Variants in RBM12 observed in about 807,000 individuals in gnomAD.
The protein encoded by RBM12 is RNA binding motif protein 12.
RBM12 carries 24 observed loss-of-function variants against 37.2 expected under a neutral mutation model. The observed-to-expected ratio is 0.65, with a 90% CI of 0.47 to 0.91. The LOEUF (loss-of-function observed/expected upper bound fraction) is 0.91, where lower values mean the gene tolerates loss of function less well. Ranked by LOEUF, RBM12 falls within the 40% of genes least tolerant of loss-of-function variation. RBM12 has a pLI of 0.00. For synonymous variants in RBM12, 420 were observed against 425.2 expected (o/e 0.99, Z 0.15); for missense variants, 1,061 against 1,183.2 (o/e 0.90, Z 1.52).
In RBM12 at chr20:35,654,215, G is replaced by A. The variant is rs1156780822; in HGVS notation, c.1108C>T (p.Arg370Cys). The change falls in exon 3 of 3, where the codon CGC (arginine) becomes TGC (cysteine). Residue 370 changes from arginine to cysteine, a missense_variant. This residue lies in a region of RBM12 where 540 missense variants were observed against 632.7 expected (regional missense o/e 0.85). Transcript: ENST00000374114. Reference sequence around the variant, plus strand: ...GTGGCAGGGCTAACTTCCACATAGCGTTGAATCATCAGCATTCTGTTTCGT... The same window carrying A: ...GTGGCAGGGCTAACTTCCACATAGCATTGAATCATCAGCATTCTGTTTCGT... ...LKRNRMLMIQRYVEVSPATER... is the reference protein window; with the variant it reads ...LKRNRMLMIQCYVEVSPATER... 3 of 1,614,200 alleles carry A rather than the reference G, an allele frequency of 1.9e-6. No individual in the cohort carries two copies. The highest frequency in any genetic ancestry group is 1.7e-6 in the Non-Finnish European group (2 of 1,180,036).
At chr20:35,658,803 A>C in intron 2 of RBM12, 127 bp downstream of exon 2, 1 of 23,242 alleles carries the variant, frequency 4.3e-5, no homozygotes, top group Admixed American at 1.5e-3. Flanking sequence ...GCAAACAAAA[A>C]CACACACACA....
chr20:35,658,360 C>G (rs1028601709), intron 2 of RBM12, among the ~76,000 whole-genome samples: 2 of 152,210 alleles, frequency 1.3e-5, no homozygotes, highest in African/African-American at 4.8e-5. Flanking sequence ...TACTGCCTAT[C>G]AGGAAAATCA....
At chr20:35,663,238 CTTGTA>C (rs2034332741) in intron 1 of RBM12, among the ~76,000 whole-genome samples, 2 of 152,164 alleles carry the variant, frequency 1.3e-5, no homozygotes, top group African/African-American at 2.4e-5. Flanking sequence ...TACAACCAGT[CTTGTA>C]TTGTAGTTCT....
In RBM12 at chr20:35,653,841, G is replaced by C; in HGVS notation, c.1482C>G (p.Tyr494Ter). ...YKAALCRHKQ[Y>*]MGNRFIQVHP... is the part of the protein sequence containing the mutation. Reference sequence around the variant, plus strand: ...GAACTTGAATAAAGCGATTGCCCATGTACTGTTTATGACGACACAGAGCAG... The same window carrying C: ...GAACTTGAATAAAGCGATTGCCCATCTACTGTTTATGACGACACAGAGCAG... The change falls in exon 3 of 3, where the codon TAC becomes TAG. Residue 494 changes from tyrosine (Y) to a stop codon, truncating the protein, a stop_gained. Coordinates refer to ENST00000374114, the MANE Select transcript of RBM12 (RefSeq NM_006047.6). LOFTEE classifies it high-confidence loss of function. 6.2e-7 allele frequency: 1 copy of C among 1,613,838 alleles called. No homozygotes were observed.
chr20:35,664,632 C>A (rs2034437338), intron 1 of RBM12, 128 bp downstream of exon 1: 1 of 152,488 alleles, frequency 6.6e-6, no homozygotes, highest in East Asian at 1.9e-4. Flanking sequence ...TGCAGCCCTG[C>A]CTCGACCCTT....
In RBM12 at chr20:35,655,178, T is replaced by C. The variant is rs2033822517; in HGVS notation, c.145A>G (p.Thr49Ala). The part of the protein sequence containing the change: ...ELGEAFIVFA[T>A]DEDARLGMMR... Reference sequence around the variant, plus strand: ...ATACCAAGCCTTGCATCTTCATCAGTGGCAAAAACGATGAAAGCCTCACCC... The same window carrying C: ...ATACCAAGCCTTGCATCTTCATCAGCGGCAAAAACGATGAAAGCCTCACCC... Residue 49 changes from threonine (T) to alanine (A), a missense_variant, in exon 3 of 3, where the codon ACT (threonine) becomes GCT (alanine). Physicochemically the swap from Thr to Ala is moderately conservative, Grantham distance 58. Around this residue, in one of 3 missense-constraint regions of RBM12, gnomAD observed 540 missense variants for 632.7 expected, o/e 0.85. Transcript: ENST00000374114. 4 of 1,614,066 alleles carry C rather than the reference T, an allele frequency of 2.5e-6. No individual in the cohort carries two copies. Among genetic ancestry groups the C allele is most frequent in the African/African-American group, 1.3e-5 (1 of 74,914 alleles).
Position 35,653,412 on chromosome 20 carries a change from CTT to C in RBM12, c.1909_1910del (p.Lys637GlyfsTer9). On this transcript the variant is annotated frameshift_variant, in exon 3 of 3. Transcript: ENST00000374114. LOFTEE classifies it high-confidence loss of function. ...IEKNPPAQGK[K>X]GLKMPVPGNP... The stretch of plus-strand genomic sequence containing the variant: ...TACCTGGCACAGGCATCTTTAATCC[CTT>C]TTTTCCTTGGGCAGGGGGATTTTTC... 1 of 1,614,092 alleles carries C rather than the reference CTT, an allele frequency of 6.2e-7. No homozygotes were observed. The highest frequency in any genetic ancestry group is 8.5e-7 in the Non-Finnish European group (1 of 1,179,984).
chr20:35,657,560 C>A (rs1311983774), intron 2 of RBM12, among the ~76,000 whole-genome samples: 1 of 152,078 alleles, frequency 6.6e-6, no homozygotes, highest in Admixed American at 6.6e-5. Context: ...GCTAAAGTGA[C>A]ATACACAGTT....
chr20:35,652,779 A>C lies in RBM12; in HGVS notation c.2544T>G (p.Ser848=). The change falls in exon 3 of 3, where the codon TCT becomes TCG. Residue 848 remains serine, a synonymous_variant. Coordinates refer to ENST00000374114, the MANE Select transcript of RBM12 (RefSeq NM_006047.6). The part of the protein sequence containing the change: ...IHIGGPPGFA[S]SSGKPGPTVI... ...CTGTCGGTCCTGGTTTTCCAGAACTAGATGCAAAGCCAGGGGGACCACCAA... is the reference window on the plus strand; with the variant it reads ...CTGTCGGTCCTGGTTTTCCAGAACTCGATGCAAAGCCAGGGGGACCACCAA... 1 of 1,611,518 alleles carries C rather than the reference A, an allele frequency of 6.2e-7. No individual in the cohort carries two copies. Among genetic ancestry groups the C allele is most frequent in the Non-Finnish European group, 8.5e-7 (1 of 1,178,462 alleles).
chr20:35,663,163 GCA>G (rs1041929023), intron 1 of RBM12, among the ~76,000 whole-genome samples: 4 of 152,232 alleles, frequency 2.6e-5, no homozygotes, highest in Admixed American at 2.0e-4. Context: ...GAAAATGTCT[GCA>G]CACTTTCCAC....
In RBM12 at chr20:35,658,971, G is replaced by A; in HGVS notation, c.-64C>T. On this transcript the variant is annotated 5_prime_UTR_variant, in exon 2 of 3. Transcript: ENST00000374114. The stretch of plus-strand genomic sequence containing the variant: ...TGAATTTCCTTAACAAGAAGTAGAG[G>A]CCAAGTCAATCCTGTGGGCAACCAA... 2 of 717,004 alleles carry A rather than the reference G, an allele frequency of 2.8e-6. No homozygotes were observed. Among genetic ancestry groups the A allele is most frequent in the South Asian group, 3.0e-5 (2 of 67,568 alleles). 44.4% of individuals were successfully genotyped at this position (717,004 alleles called of 1,614,324 possible).
intron 1 of RBM12, chr20:35,664,276 G>A (rs965730540): frequency 6.6e-6 from 1 of 152,306 alleles, no homozygotes; most frequent in African/African-American, 2.4e-5. Flanking sequence ...GGTGTGACCT[G>A]GGTCCCCTTT....
chr20:35,664,201 C>T (rs1165953395), intron 1 of RBM12, among the ~76,000 whole-genome samples: 1 of 152,176 alleles, frequency 6.6e-6, no homozygotes, highest in Non-Finnish European at 1.5e-5. Context: ...GCCACGAAGG[C>T]GGCCGGTTGT....
Position 35,652,497 on chromosome 20 carries a change from C to A in RBM12, c.*27G>T, listed in dbSNP as rs758012995. 2 of 1,590,012 alleles carry A rather than the reference C, an allele frequency of 1.3e-6. No individual in the cohort carries two copies. Among genetic ancestry groups the A allele is most frequent in the South Asian group, 2.3e-5 (2 of 87,786 alleles). On this transcript the variant is annotated 3_prime_UTR_variant, in exon 3 of 3. Coordinates refer to ENST00000374114, the MANE Select transcript of RBM12 (RefSeq NM_006047.6). ...GCATTAATCACAGCAATATGAAGATCTACCCTATAAAAAATGATGTGAATG... is the reference window on the plus strand; with the variant it reads ...GCATTAATCACAGCAATATGAAGATATACCCTATAAAAAATGATGTGAATG...
In RBM12 at chr20:35,654,484, A is replaced by G. The variant is rs746493208; in HGVS notation, c.839T>C (p.Leu280Ser). ...CATCTGGATAGGGTTAACAGGATTC[A>G]ACGGACCAAGAAACATAGGATTCAG... The part of the protein sequence containing the change: ...NNLNPMFLGP[L>S]NPVNPIQMNS... The change falls in exon 3 of 3, where the codon TTG (leucine) becomes TCG (serine). Residue 280 changes from leucine to serine, a missense_variant. Leu to Ser is a moderately radical substitution (Grantham distance 145). Coordinates refer to ENST00000374114, the MANE Select transcript of RBM12 (RefSeq NM_006047.6). 8 of 1,614,236 alleles carry G rather than the reference A, an allele frequency of 5.0e-6. No individual in the cohort carries two copies. In the South Asian group the frequency reaches 6.6e-5, roughly 13 times the overall value.
chr20:35,659,499 A>G (rs2034112496), intron 1 of RBM12, among the ~76,000 whole-genome samples: 1 of 152,196 alleles, frequency 6.6e-6, no homozygotes, highest in African/African-American at 2.4e-5. Flanking sequence ...CTTTCAATAT[A>G]TTTTATTTTG....
chr20:35,659,138 C>CA (rs370328377), intron 1 of RBM12, 124 bp from the exon 2 acceptor site: 15,004 of 271,344 alleles, frequency 0.055, 92 homozygotes, highest in East Asian at 0.061. Context: ...GAATGCATAT[C>CA]AAAAAAAAAA....
At position 35,654,183 on chromosome 20, in the gene RBM12, T is replaced by G. The variant is rs1290000202; in HGVS notation, c.1140A>C (p.Arg380Ser). 6.2e-7 allele frequency: 1 copy of G among 1,614,234 alleles called. No homozygotes were observed. The highest frequency in any genetic ancestry group is 1.1e-5 in the South Asian group (1 of 91,084). Reference sequence around the variant, plus strand: ...TATGGCCTCCAGCAGCTACCCACTGTCTTTCTGTGGCAGGGCTAACTTCCA... The same window carrying G: ...TATGGCCTCCAGCAGCTACCCACTGGCTTTCTGTGGCAGGGCTAACTTCCA... ...RYVEVSPATERQWVAAGGHIT... is the reference protein window; with the variant it reads ...RYVEVSPATESQWVAAGGHIT... The change falls in exon 3 of 3, where the codon AGA becomes AGC. Residue 380 changes from arginine to serine, a missense_variant. Arg to Ser is a moderately radical substitution (Grantham distance 110, BLOSUM62 -1). Coordinates refer to ENST00000374114, the MANE Select transcript of RBM12 (RefSeq NM_006047.6).
In RBM12 at chr20:35,652,250, ATG is replaced by A. The variant is rs1188713937; in HGVS notation, c.*272_*273del. The A allele has an allele frequency of 9.5e-6, 3 of 315,962 alleles. No individual in the cohort carries two copies. The highest frequency in any genetic ancestry group is 1.8e-5 in the Non-Finnish European group (3 of 171,192). 19.6% of individuals were successfully genotyped at this position (315,962 alleles called of 1,614,324 possible). On this transcript the variant is annotated 3_prime_UTR_variant, in exon 3 of 3. Transcript: ENST00000374114. ...CAATCTAGACTCCTTGATAAGCTTT[ATG>A]TGGTCATTTGAGTTTTACAAATGGT...
Sources: allele counts gnomAD v4.1 joint callset (sites outside exome capture counted in the v4.1 genomes callset), GRCh38; gene constraint gnomAD v4.1.1; regional missense constraint gnomAD v4.1.1; transcripts MANE v1.5; gene names NCBI Gene and HGNC (gene_info 2026-07-23, HGNC 2026-07-21).